Variants in SEMA4G observed in about 807,000 individuals in gnomAD.
SEMA4G encodes the protein semaphorin-4G.
A neutral mutation model predicts 81.2 loss-of-function variants in SEMA4G; 59 were observed. The ratio of observed to expected loss-of-function variants is 0.73; its 90% CI spans 0.59 to 0.90. The LOEUF (loss-of-function observed/expected upper bound fraction) is 0.90. SEMA4G is among the 40% of genes least tolerant of loss of function. The pLI is 0.00. For synonymous variants in SEMA4G, 404 were observed against 433.9 expected, an observed-to-expected ratio of 0.93 and a Z score of 0.86; for missense variants, 952 against 1,102.3, an observed-to-expected ratio of 0.86 and a Z score of 1.93.
Position 100,983,902 on chromosome 10 carries a change from CA to C in SEMA4G, c.2289del (p.Ala764ProfsTer14). On this transcript the variant is annotated frameshift_variant, in exon 14 of 14. Transcript: ENST00000370250. LOFTEE classifies it high-confidence loss of function. ...CAGATCATCCCTGGGGAGGGAGCCC[CA>C]GCCCCACCACCCCCACCGCCCCCAC... The C allele has an allele frequency of 6.7e-7, 1 of 1,502,922 alleles. No individual in the cohort carries two copies. The highest frequency in any genetic ancestry group is 1.4e-5 in the African/African-American group (1 of 70,622). 93.1% of individuals were successfully genotyped at this position (1,502,922 alleles called of 1,614,324 possible).
chr10:100,972,988 C>T, exon 1 of SEMA4G: 1 of 1,614,092 alleles, frequency 6.2e-7, no homozygotes. Context: ...ACTGCGGAGA[C>T]CGTCTAGAGA....
chr10:100,973,698 TA>T lies in SEMA4G; in HGVS notation c.336+90del. 8.5e-7 allele frequency: 1 copy of T among 1,183,332 alleles called. No individual in the cohort carries two copies. Among genetic ancestry groups the T allele is most frequent in the Non-Finnish European group, 1.2e-6 (1 of 820,246 alleles). The allele number at this position is 1,183,332 out of a possible 1,614,324, so 73.3% of individuals were successfully genotyped here. On this transcript the variant is annotated intron_variant, in intron 3 of 13. Coordinates refer to ENST00000370250, the Ensembl canonical transcript of SEMA4G. The surrounding 1 kb of genome is among the most constrained non-coding windows in gnomAD (Gnocchi z 5.5). ...ATTGTTGGGGACACAGATGGGTAGGTACAGACCTGCCAGTCAATCTCAGCAA... is the reference window on the plus strand; with the variant it reads ...ATTGTTGGGGACACAGATGGGTAGGTCAGACCTGCCAGTCAATCTCAGCAA...
chr10:100,984,547 T>C, exon 14 of SEMA4G: 1 of 1,536,188 alleles, frequency 6.5e-7, no homozygotes, highest in Non-Finnish European at 8.7e-7. Flanking sequence ...TGGCCCTGTG[T>C]GCTGGATGGT....
upstream of SEMA4G, among the ~76,000 whole-genome samples, chr10:100,970,356 T>A (rs901776630): frequency 6.6e-6 from 1 of 151,278 alleles, no homozygotes; most frequent in Non-Finnish European, 1.5e-5. Flanking sequence ...CTCCAGCCCG[T>A]CTCCCACCTT....
At chr10:100,978,381 C>T (rs746116241) in exon 5 of SEMA4G, 2 of 1,612,944 alleles carry the variant, frequency 1.2e-6, no homozygotes, top group South Asian at 1.1e-5. Flanking sequence ...TCACAGGCCT[C>T]ATCATTGGTG....
At chr10:100,984,132 G>T (rs1012519597) in exon 14 of SEMA4G, 6 of 1,604,184 alleles carry the variant, frequency 3.7e-6, no homozygotes, top group Non-Finnish European at 5.1e-6. Flanking sequence ...CTCTGTCTGA[G>T]CCCAGCCTCC....
chr10:100,984,174 T>C (rs768734270), exon 14 of SEMA4G: 1 of 1,559,170 alleles, frequency 6.4e-7, no homozygotes, highest in Non-Finnish European at 8.7e-7. Flanking sequence ...CCAGCCTATC[T>C]GTCCCAGGCT....
At chr10:100,980,665 T>C (rs764733748) in exon 11 of SEMA4G, 32 of 1,613,986 alleles carry the variant, frequency 2.0e-5, no homozygotes, top group Non-Finnish European at 2.6e-5. Flanking sequence ...TCCCAGTCTG[T>C]GGAAAATCTA....
chr10:100,983,352 G>A (rs1175068535), exon 14 of SEMA4G: 1 of 1,598,648 alleles, frequency 6.3e-7, no homozygotes, highest in East Asian at 2.3e-5. Context: ...GGGTGATGAT[G>A]TCCTCCTGCC....
chr10:100,969,606 G>C (rs1313782181), upstream of SEMA4G: 1 of 291,628 alleles, frequency 3.4e-6, no homozygotes, highest in African/African-American at 2.3e-5. Context: ...GCAAGGCGAG[G>C]AGTGCGGGCG....
chr10:100,983,928 C>T, exon 14 of SEMA4G: 1 of 1,600,366 alleles, frequency 6.2e-7, no homozygotes, highest in Non-Finnish European at 8.5e-7. Flanking sequence ...ACCGCCCCCA[C>T]CGCCACCGGC....
intron 3 of SEMA4G, chr10:100,975,129 C>T (rs745500304): frequency 1.9e-5 from 9 of 478,978 alleles, no homozygotes; most frequent in Middle Eastern, 5.3e-4. Context: ...TGGAAGGCCA[C>T]AGATGCCCAG....
chr10:100,971,428 C>T (rs181835092), upstream of SEMA4G, among the ~76,000 whole-genome samples: 3 of 152,364 alleles, frequency 2.0e-5, no homozygotes, highest in East Asian at 5.8e-4. Flanking sequence ...CCTCTTCTCT[C>T]CCTTTCATAT....
At chr10:100,970,944 G>A (rs1693071720), upstream of SEMA4G, among the ~76,000 whole-genome samples, 1 of 152,192 alleles carries the variant, frequency 6.6e-6, no homozygotes, top group African/African-American at 2.4e-5. Flanking sequence ...AATGTCTGAG[G>A]CTGTGTGACC....
upstream of SEMA4G, among the ~76,000 whole-genome samples, chr10:100,970,351 G>A (rs1355265947): frequency 6.6e-6 from 1 of 151,954 alleles, no homozygotes; most frequent in Non-Finnish European, 1.5e-5. Flanking sequence ...GAGAGCTCCA[G>A]CCCGTCTCCC....
At chr10:100,983,632 T>A in exon 14 of SEMA4G, 1 of 1,613,986 alleles carries the variant, frequency 6.2e-7, no homozygotes, top group African/African-American at 1.3e-5. Context: ...GCACCTGATG[T>A]GAGACTGCTC....
rs1203475590 is a variant in SEMA4G at position 100,980,844 on chromosome 10, C to T, written c.1490C>T (p.Pro497Leu). ...CAGCACAGCCTCTATGTGGGGGCTCCTAGCGGAGTCATCCAGCTACCACTC... is the reference window on the plus strand; with the variant it reads ...CAGCACAGCCTCTATGTGGGGGCTCTTAGCGGAGTCATCCAGCTACCACTC... The change falls in exon 12 of 14, where the codon CCT (proline) becomes CTT (leucine). Residue 497 changes from proline to leucine, a missense_variant. Physicochemically the swap from Pro to Leu is moderately conservative, Grantham distance 98. Transcript: ENST00000370250. 5.7e-6 allele frequency: 9 copies of T among 1,591,084 alleles called. No individual in the cohort carries two copies. Among genetic ancestry groups the T allele is most frequent in the Non-Finnish European group, 7.7e-6 (9 of 1,170,926 alleles).
At chr10:100,985,023 G>A, downstream of SEMA4G, 2 of 1,059,516 alleles carry the variant, frequency 1.9e-6, no homozygotes, top group Non-Finnish European at 2.6e-6. Flanking sequence ...TGTCTGTTGG[G>A]TTTAGTCCGT....
At chr10:100,983,621 G>A (rs1589999247) in exon 14 of SEMA4G, 3 of 1,614,084 alleles carry the variant, frequency 1.9e-6, no homozygotes, top group Non-Finnish European at 2.5e-6. Flanking sequence ...GGGCACAGCT[G>A]GCACCTGATG....
Sources: gnomAD v4.1 joint callset for allele counts (sites outside exome capture counted in the v4.1 genomes callset) on GRCh38, gnomAD v4.1.1 for gene constraint, Gnocchi (gnomAD v3.1) non-coding constraint, MANE v1.5 for transcripts, NCBI Gene and HGNC (gene_info 2026-07-23, HGNC 2026-07-21) for gene names.